Variants in DOCK4 observed in about 807,000 individuals in gnomAD.
DOCK4 encodes the protein dedicator of cytokinesis protein 4.
DOCK4 carries 97 observed loss-of-function variants against 268.1 expected under a neutral mutation model. That is an observed-to-expected ratio of 0.36 (90% confidence interval 0.31 to 0.43). The LOEUF (loss-of-function observed/expected upper bound fraction) is 0.43. Ranked by LOEUF, DOCK4 falls within the 20% of genes least tolerant of loss-of-function variation. The pLI is 1.00. For missense variants in DOCK4, 2,145 were observed against 2,455.7 expected (o/e 0.87, Z 2.67); for synonymous variants, 954 against 887.2 (o/e 1.08, Z -1.34).
chr7:111,921,558 C>G (rs1793140618), intron 12 of DOCK4, among the ~76,000 whole-genome samples: 1 of 152,156 alleles, frequency 6.6e-6, no homozygotes, highest in Non-Finnish European at 1.5e-5. Context: ...AAATGGAAAA[C>G]TGTGATAAAT....
intron 1 of DOCK4, among the ~76,000 whole-genome samples, chr7:112,042,393 T>C (rs921410485): frequency 1.3e-5 from 2 of 152,144 alleles, no homozygotes; most frequent in Admixed American, 6.5e-5. Context: ...ATATTCTGAG[T>C]GTCTTGCAGA....
chr7:111,971,928 A>G, intron 8 of DOCK4: 1 of 169,292 alleles, frequency 5.9e-6, no homozygotes, highest in Non-Finnish European at 1.3e-5. Context: ...GGGATTTATC[A>G]CTTTCTTGGC....
intron 16 of DOCK4, among the ~76,000 whole-genome samples, chr7:111,877,460 G>A (rs961110837): frequency 2.6e-5 from 4 of 152,078 alleles, no homozygotes; most frequent in African/African-American, 7.2e-5. Context: ...CACTGTTTCC[G>A]TTATCTTCTC....
intron 23 of DOCK4, among the ~76,000 whole-genome samples, chr7:111,858,792 C>A (rs1249294321): frequency 6.6e-6 from 1 of 151,286 alleles, no homozygotes; most frequent in Non-Finnish European, 1.5e-5. Flanking sequence ...CCTTCCCTTC[C>A]TTTCCTTCCT....
chr7:112,028,952 TA>T (rs1803039614), intron 1 of DOCK4, among the ~76,000 whole-genome samples: 4 of 152,238 alleles, frequency 2.6e-5, no homozygotes, highest in Admixed American at 6.5e-5. Flanking sequence ...AGAACTTTCC[TA>T]TTGTCTACCT....
At chr7:111,947,736 T>G (rs76613178) in intron 8 of DOCK4, among the ~76,000 whole-genome samples, 4 of 152,150 alleles carry the variant, frequency 2.6e-5, no homozygotes, top group Admixed American at 6.5e-5. Context: ...TAATTTTTTT[T>G]GGGTCGGGGG....
At chr7:112,023,487 C>T in intron 1 of DOCK4, 1 of 340,210 alleles carries the variant, frequency 2.9e-6, no homozygotes. Flanking sequence ...AAAACACATC[C>T]TTTGCTTCTC....
At chr7:112,196,801 T>C (rs527287708) in intron 1 of DOCK4, among the ~76,000 whole-genome samples, 2 of 152,316 alleles carry the variant, frequency 1.3e-5, no homozygotes, top group Non-Finnish European at 2.9e-5. Context: ...TTGTATATAT[T>C]TAAGTTGTAC....
intron 1 of DOCK4, among the ~76,000 whole-genome samples, chr7:112,028,872 A>G (rs1373409588): frequency 6.6e-6 from 1 of 152,180 alleles, no homozygotes; most frequent in African/African-American, 2.4e-5. Flanking sequence ...TACTGCTCAA[A>G]CCTGCTCACA....
chr7:111,779,171 G>C (rs748792077), intron 35 of DOCK4, among the ~76,000 whole-genome samples: 3 of 151,930 alleles, frequency 2.0e-5, no homozygotes, highest in East Asian at 1.9e-4. Flanking sequence ...AAATAAAAAG[G>C]CTCTTTATTT....
intron 1 of DOCK4, among the ~76,000 whole-genome samples, chr7:112,149,017 T>C (rs1815787340): frequency 6.6e-6 from 1 of 152,236 alleles, no homozygotes; most frequent in Admixed American, 6.5e-5. Flanking sequence ...CAAGCTCTAC[T>C]GCTTCATCTT....
chr7:111,983,774 C>A (rs1215075210), intron 7 of DOCK4, among the ~76,000 whole-genome samples: 1 of 151,730 alleles, frequency 6.6e-6, no homozygotes, highest in Non-Finnish European at 1.5e-5. Context: ...GTAAGTCCAG[C>A]AGTTGAAGAC....
At chr7:111,872,224 G>C (rs899541975) in intron 19 of DOCK4, 45 bp downstream of exon 19, 8 of 1,424,006 alleles carry the variant, frequency 5.6e-6, no homozygotes, top group Non-Finnish European at 7.6e-6. Flanking sequence ...AGTCAAGATT[G>C]AGAGACAAAA....
At chr7:111,959,226 A>C (rs1255961992) in intron 8 of DOCK4, among the ~76,000 whole-genome samples, 2 of 152,106 alleles carry the variant, frequency 1.3e-5, no homozygotes, top group Non-Finnish European at 2.9e-5. Context: ...GGAATAGATG[A>C]TATTGCCACA....
At position 111,873,436 on chromosome 7, in the gene DOCK4, G is replaced by A. The variant is rs1180282044; in HGVS notation, c.1745-872C>T. On this transcript the variant is annotated intron_variant, in intron 17 of 52. Coordinates refer to ENST00000428084, the MANE Select transcript of DOCK4 (RefSeq NM_001363540.2). ...CTGAAGGCTCGCGTGTGCCGAGCAC[G>A]CGCAGGGCAGCGGGACCTGGTAGAA... Among the ~76,000 whole-genome samples the A allele has an allele frequency of 7.9e-5, 12 of 152,328 alleles. No individual in the cohort carries two copies. In the East Asian group the frequency reaches 1.4e-3, roughly 17 times the overall value.
intron 42 of DOCK4, among the ~76,000 whole-genome samples, chr7:111,752,714 G>T (rs766195908): frequency 5.5e-4 from 82 of 149,938 alleles, no homozygotes; most frequent in Admixed American, 4.4e-3. Flanking sequence ...AGCCTCCCAA[G>T]TAGCTGGGAC....
chr7:112,017,505 G>T lies in DOCK4; in HGVS notation c.38-13374C>A, dbSNP rs1251177050. Among the ~76,000 whole-genome samples, 4 of 152,278 alleles carry T rather than the reference G, an allele frequency of 2.6e-5. No individual in the cohort carries two copies. The East Asian group carries it at 7.7e-4, about 29-fold the overall frequency. On this transcript the variant is annotated intron_variant, in intron 1 of 52. Coordinates refer to ENST00000428084, the MANE Select transcript of DOCK4 (RefSeq NM_001363540.2). ...GAGGTAGAGAGGTCTTGGCAAATGT[G>T]GAGACACAATGAACATGAGCTGACT...
intron 30 of DOCK4, among the ~76,000 whole-genome samples, chr7:111,804,276 ATACAT>A (rs1237778740): frequency 2.0e-5 from 3 of 152,246 alleles, no homozygotes; most frequent in Admixed American, 6.5e-5. Flanking sequence ...GAAAATTTTG[ATACAT>A]TACAACATGA....
At chr7:112,016,388 G>A (rs901499472) in intron 1 of DOCK4, among the ~76,000 whole-genome samples, 4 of 152,204 alleles carry the variant, frequency 2.6e-5, no homozygotes, top group Non-Finnish European at 5.9e-5. Flanking sequence ...GGAGGTACAT[G>A]ATGGTGATAG....
Sources: allele counts gnomAD v4.1 joint callset (sites outside exome capture counted in the v4.1 genomes callset), GRCh38; gene constraint gnomAD v4.1.1; transcripts MANE v1.5; gene names NCBI Gene and HGNC (gene_info 2026-07-23, HGNC 2026-07-21).